Variants in HOXB13 observed in about 807,000 individuals in gnomAD.
The protein encoded by HOXB13 is homeobox protein Hox-B13.
In HOXB13, 22 loss-of-function variants were observed where a neutral mutation model predicts 23.1. The ratio of observed to expected loss-of-function variants is 0.95; its 90% confidence interval spans 0.68 to 1.36. HOXB13 has a LOEUF of 1.36. Ranked by LOEUF, HOXB13 falls within the 40% of genes most tolerant of loss-of-function variation. The probability of loss-of-function intolerance (pLI) is 0.00; values close to 1 mark genes in which losing one functional copy is unlikely to be tolerated. For missense variants in HOXB13, 386 were observed against 376.2 expected (o/e 1.03, Z -0.22); for synonymous variants, 173 against 157.9 (o/e 1.10, Z -0.72).
In HOXB13 at chr17:48,724,788, A is replaced by G. The variant is rs1567700395; in HGVS notation, c.*2002T>C. On this transcript the variant is annotated 3_prime_UTR_variant, in exon 2 of 2. Coordinates refer to ENST00000290295, the MANE Select transcript of HOXB13 (RefSeq NM_006361.6). ...TTTTGTTTGCTCTGAATTTATTGCGAGTGAAAAACAGAGAAAATCCTCAAG... is the reference window on the plus strand; with the variant it reads ...TTTTGTTTGCTCTGAATTTATTGCGGGTGAAAAACAGAGAAAATCCTCAAG... 6 of 688,598 alleles carry G rather than the reference A, an allele frequency of 8.7e-6. No homozygotes were observed. The highest frequency in any genetic ancestry group is 1.2e-5 in the Non-Finnish European group (6 of 492,810). 42.7% of individuals were successfully genotyped at this position (688,598 alleles called of 1,614,324 possible). A position where few individuals can be genotyped will look rare whatever the true frequency, so the allele number is the denominator to read the frequency against.
chr17:48,728,578 A>C lies in HOXB13; in HGVS notation c.16T>G (p.Tyr6Asp). Residue 6 changes from tyrosine to aspartate, a missense_variant, in exon 1 of 2, where the codon TAT becomes GAT. Tyr to Asp is a radical substitution (Grantham distance 160). Coordinates refer to ENST00000290295, the MANE Select transcript of HOXB13 (RefSeq NM_006361.6). ...TCCTTGGCTCCATCCAAGGTGGCAT[A>C]ATTGCCGGGCTCCATGGAGCCGAGG... MEPGN[Y>D]ATLDGAKDIE... The C allele has an allele frequency of 6.2e-7, 1 of 1,612,194 alleles. No individual in the cohort carries two copies. The highest frequency in any genetic ancestry group is 8.5e-7 in the Non-Finnish European group (1 of 1,179,874).
chr17:48,727,885 G>T, intron 1 of HOXB13, 108 bp downstream of exon 1: 1 of 1,347,692 alleles, frequency 7.4e-7, no homozygotes, highest in Non-Finnish European at 1.0e-6. Context: ...GGAGCACCAA[G>T]CTCATCCTCA....
In HOXB13 at chr17:48,726,614, A is replaced by C. The variant is rs1454486394; in HGVS notation, c.*176T>G. 2 of 719,530 alleles carry C rather than the reference A, an allele frequency of 2.8e-6. No homozygotes were observed. The highest frequency in any genetic ancestry group is 4.5e-6 in the Non-Finnish European group (2 of 444,646). 44.6% of individuals were successfully genotyped at this position (719,530 alleles called of 1,614,324 possible). On this transcript the variant is annotated 3_prime_UTR_variant, in exon 2 of 2. Transcript: ENST00000290295. ...GTCACATGGGGTTCCGTCTCCCTGC[A>C]CATACTGGGTACCCAGGCCGCTCCT...
intron 1 of HOXB13, among the ~76,000 whole-genome samples, chr17:48,727,377 G>A (rs994973582): frequency 6.6e-6 from 1 of 151,828 alleles, no homozygotes; most frequent in Admixed American, 6.6e-5. Flanking sequence ...CAGACTCTTG[G>A]CCACTCTTTT....
rs1265267294 is a variant in HOXB13, at chr17:48,725,411, CA to C, written c.*1378del. 1 of 152,194 alleles carries C rather than the reference CA, an allele frequency of 6.6e-6. No individual in the cohort carries two copies. Among genetic ancestry groups the C allele is most frequent in the African/African-American group, 2.4e-5 (1 of 41,438 alleles). 9.4% of individuals were successfully genotyped at this position (152,194 alleles called of 1,614,324 possible). A position where few individuals can be genotyped will look rare whatever the true frequency, so the allele number is the denominator to read the frequency against. On this transcript the variant is annotated 3_prime_UTR_variant, in exon 2 of 2. Transcript: ENST00000290295. ...CCTCACTCCTTCCCAGGAGAGGAGA[CA>C]GGGCTAGGATCCCACCCGACCGCGG...
In HOXB13 at chr17:48,728,715, C is replaced by G. The variant is rs2038246175; in HGVS notation, c.-122G>C. ...AAATCGCTCCCAGCTCGCAAGTCGC[C>G]TGCATTCGCTCAGCACGGCCGTCTT... On this transcript the variant is annotated 5_prime_UTR_variant, in exon 1 of 2. Transcript: ENST00000290295. 1 of 926,400 alleles carries G rather than the reference C, an allele frequency of 1.1e-6. No homozygotes were observed. The highest frequency in any genetic ancestry group is 2.6e-5 in the Admixed American group (1 of 38,348). 57.4% of individuals were successfully genotyped at this position (926,400 alleles called of 1,614,324 possible). A position where few individuals can be genotyped will look rare whatever the true frequency, so the allele number is the denominator to read the frequency against.
At position 48,728,286 on chromosome 17, in the gene HOXB13, G is replaced by A. The variant is rs760196832; in HGVS notation, c.308C>T (p.Ala103Val). Residue 103 changes from alanine to valine, a missense_variant, in exon 1 of 2, where the codon GCA (alanine) becomes GTA (valine). Coordinates refer to ENST00000290295, the MANE Select transcript of HOXB13 (RefSeq NM_006361.6). ...SRSSLKPCAQ[A>V]ATLAAYPAET... ...CGCGGGGTACGCGGCCAGGGTGGCT[G>A]CCTGGGCACAGGGTTTCAGCGAGCT... is the stretch of plus-strand genomic sequence containing the variant. 5 of 1,614,148 alleles carry A rather than the reference G, an allele frequency of 3.1e-6. No homozygotes were observed. The highest frequency in any genetic ancestry group is 4.2e-6 in the Non-Finnish European group (5 of 1,180,024).
In HOXB13 at chr17:48,728,620, C is replaced by A; in HGVS notation, c.-27G>T. On this transcript the variant is annotated 5_prime_UTR_variant, in exon 1 of 2. Coordinates refer to ENST00000290295, the MANE Select transcript of HOXB13 (RefSeq NM_006361.6). ...GAGCCGAGGGTCGGCTCATGAGGTG[C>A]GGGGGCGGGGAATCTAGGGGGCACC... The A allele has an allele frequency of 1.2e-6, 2 of 1,608,872 alleles. No homozygotes were observed. The highest frequency in any genetic ancestry group is 2.2e-5 in the East Asian group (1 of 44,846).
chr17:48,728,005 C>T lies in HOXB13; in HGVS notation c.589G>A (p.Ala197Thr), dbSNP rs756654236. Residue 197 changes from alanine to threonine, a missense_variant, in exon 1 of 2, where the codon GCA becomes ACA. Ala to Thr is a moderately conservative substitution (Grantham distance 58). Coordinates refer to ENST00000290295, the MANE Select transcript of HOXB13 (RefSeq NM_006361.6). Reference protein sequence around the residue: ...EQNPPGPFWKAAFADSSGQHP... With the variant: ...EQNPPGPFWKTAFADSSGQHP... ...GTAATAGAGGTACCTGCAAATGCTG[C>T]CTTCCAAAAGGGACCTGGTGGGTTC... 2.5e-6 allele frequency: 4 copies of T among 1,613,490 alleles called. No individual in the cohort carries two copies. Among genetic ancestry groups the T allele is most frequent in the Non-Finnish European group, 3.4e-6 (4 of 1,179,708 alleles).
At position 48,727,053 on chromosome 17, in the gene HOXB13, G is replaced by T; in HGVS notation, c.602-10C>A. 1 of 1,603,036 alleles carries T rather than the reference G, an allele frequency of 6.2e-7. No homozygotes were observed. The highest frequency in any genetic ancestry group is 8.5e-7 in the Non-Finnish European group (1 of 1,179,198). On this transcript the variant is annotated splice_polypyrimidine_tract_variant and intron_variant, in intron 1 of 1. Transcript: ENST00000290295. Reference sequence around the variant, plus strand: ...TGCTGCCCGCTGGAGTCTGCGCGGCGTGAAAGGGAGGGAGGAAAAGGCATG... The same window carrying T: ...TGCTGCCCGCTGGAGTCTGCGCGGCTTGAAAGGGAGGGAGGAAAAGGCATG...
chr17:48,727,156 T>G (rs1597933261), intron 1 of HOXB13, 113 bp from the exon 2 acceptor site: 4 of 1,312,332 alleles, frequency 3.0e-6, no homozygotes, highest in Non-Finnish European at 4.2e-6. Context: ...CAGGTCACCC[T>G]ACAGGCGCAC....
chr17:48,726,773 C>A lies in HOXB13; in HGVS notation c.*17G>T, dbSNP rs771264942. 5 of 1,611,038 alleles carry A rather than the reference C, an allele frequency of 3.1e-6. No individual in the cohort carries two copies. The East Asian group carries it at 1.1e-4, about 36-fold the overall frequency. The stretch of plus-strand genomic sequence containing the variant: ...ACACCCCCACTTTCGCTCCTCCCAC[C>A]CAGGCAAGGAGATCTCTTAAGGGGT... On this transcript the variant is annotated 3_prime_UTR_variant, in exon 2 of 2. Coordinates refer to ENST00000290295, the MANE Select transcript of HOXB13 (RefSeq NM_006361.6).
intron 1 of HOXB13, among the ~76,000 whole-genome samples, 175 bp downstream of exon 1, chr17:48,727,818 C>T (rs529331871): frequency 1.3e-5 from 2 of 152,292 alleles, no homozygotes; most frequent in South Asian, 2.1e-4. Context: ...TCACACTGAC[C>T]TCCATCCAGG....
At position 48,725,545 on chromosome 17, in the gene HOXB13, C is replaced by T. The variant is rs1257209470; in HGVS notation, c.*1245G>A. 3 of 152,196 alleles carry T rather than the reference C, an allele frequency of 2.0e-5. No individual in the cohort carries two copies. Among genetic ancestry groups the T allele is most frequent in the African/African-American group, 7.2e-5 (3 of 41,430 alleles). The allele number at this position is 152,196 out of a possible 1,614,324, so 9.4% of individuals were successfully genotyped here. ...CGGCCGCGGCCCACCACCAACTGCT[C>T]GCCACCGACCCCACTACTCGCCACC... On this transcript the variant is annotated 3_prime_UTR_variant, in exon 2 of 2. Transcript: ENST00000290295.
chr17:48,727,168 T>C, intron 1 of HOXB13, 125 bp from the exon 2 acceptor site: 2 of 1,161,056 alleles, frequency 1.7e-6, no homozygotes, highest in South Asian at 3.0e-5. Context: ...CAGGCGCACG[T>C]GCAATCCTGT....
At position 48,726,947 on chromosome 17, in the gene HOXB13, C is replaced by A. The variant is rs1451909727; in HGVS notation, c.698G>T (p.Arg233Leu). ...GATGAACTTGTTAGCCGCATACTCC[C>A]GCTCCAGCTCCCGCAACTGCCCCTT... is the stretch of plus-strand genomic sequence containing the variant. ...YSKGQLRELE[R>L]EYAANKFITK... The change falls in exon 2 of 2, where the codon CGG becomes CTG. Residue 233 changes from arginine (R) to leucine (L), a missense_variant. By Grantham distance (102) the Arg-to-Leu change is moderately radical. Coordinates refer to ENST00000290295, the MANE Select transcript of HOXB13 (RefSeq NM_006361.6). The A allele has an allele frequency of 4.3e-6, 7 of 1,613,718 alleles. No individual in the cohort carries two copies. The highest frequency in any genetic ancestry group is 5.9e-6 in the Non-Finnish European group (7 of 1,180,026).
rs747307642 is a variant in HOXB13 at position 48,728,571 on chromosome 17, G to A, written c.23C>T (p.Thr8Ile). The part of the protein sequence containing the change: MEPGNYA[T>I]LDGAKDIEGL... ...TTCGATATCCTTGGCTCCATCCAAG[G>A]TGGCATAATTGCCGGGCTCCATGGA... Residue 8 changes from threonine (T) to isoleucine (I), a missense_variant, in exon 1 of 2, where the codon ACC becomes ATC. Physicochemically the swap from Thr to Ile is moderately conservative, Grantham distance 89. Coordinates refer to ENST00000290295, the MANE Select transcript of HOXB13 (RefSeq NM_006361.6). 4 of 1,612,544 alleles carry A rather than the reference G, an allele frequency of 2.5e-6. No individual in the cohort carries two copies. The highest frequency in any genetic ancestry group is 2.2e-5 in the South Asian group (2 of 91,036).
In HOXB13 at chr17:48,726,801, C is replaced by T. The variant is rs752722523; in HGVS notation, c.844G>A (p.Ala282Thr). The change falls in exon 2 of 2, where the codon GCT (alanine) becomes ACT (threonine). Residue 282 changes from alanine to threonine, a missense_variant. Ala to Thr is a moderately conservative substitution (Grantham distance 58). Coordinates refer to ENST00000290295, the MANE Select transcript of HOXB13 (RefSeq NM_006361.6). ...KKVLAKVKNS[A>T]TP ...GGCAAGGAGATCTCTTAAGGGGTAG[C>T]GCTGTTCTTCACCTTGGCGAGAACC... 1.2e-6 allele frequency: 2 copies of T among 1,614,108 alleles called. No individual in the cohort carries two copies. The highest frequency in any genetic ancestry group is 1.1e-5 in the South Asian group (1 of 91,070).
intron 1 of HOXB13, 30 bp downstream of exon 1, chr17:48,727,963 A>G: frequency 6.3e-7 from 1 of 1,596,406 alleles, no homozygotes; most frequent in East Asian, 2.2e-5. Flanking sequence ...CCAGGCTCAG[A>G]GACAAGGGGA....
Sources: gnomAD v4.1 joint callset for allele counts (sites outside exome capture counted in the v4.1 genomes callset) on GRCh38, gnomAD v4.1.1 for gene constraint, MANE v1.5 for transcripts, NCBI Gene and HGNC (gene_info 2026-07-23, HGNC 2026-07-21) for gene names.